DKC1: variants seen among roughly 807,000 people sequenced by gnomAD.
The protein encoded by DKC1 is H/ACA ribonucleoprotein complex subunit DKC1.
A neutral mutation model predicts 46.7 loss-of-function variants in DKC1; 4 were observed. The observed-to-expected ratio is 0.09, with a 90% CI of 0.04 to 0.20. The LOEUF is 0.20. Ranked by LOEUF, DKC1 falls within the 10% of genes least tolerant of loss-of-function variation. The pLI is 1.00. For missense variants in DKC1, 171 were observed against 404.2 expected, an observed-to-expected ratio of 0.42 and a Z score of 4.95; for synonymous variants, 141 against 142.4, an observed-to-expected ratio of 0.99 and a Z score of 0.07.
chrX:154,776,071 G>A (rs782793411), intron 13 of DKC1, 116 bp from the exon 14 acceptor site: 10 of 954,688 alleles, frequency 1.0e-5, no homozygotes, highest in Admixed American at 2.2e-5. Context: ...GTCAGAAAAC[G>A]TCCTGTTAGA....
chrX:154,767,528 T>C, intron 7 of DKC1, 146 bp downstream of exon 7: 1 of 729,283 alleles, frequency 1.4e-6, no homozygotes, highest in Admixed American at 2.6e-5. Flanking sequence ...TTTTGTTATC[T>C]TTTGTTGAAA....
rs1022661204 is a variant in DKC1 at position 154,773,842 on chromosome X, C to T, written c.1155+593C>T. On this transcript the variant is annotated intron_variant, in intron 11 of 14. Coordinates refer to ENST00000369550, the MANE Select transcript of DKC1 (RefSeq NM_001363.5). ...CACACCTCCCAGACGGGGTGGCGGC[C>T]GGGCAGAGGGGCTCCTCACTTCCCA... Among the ~76,000 whole-genome samples, 115 of 112,213 alleles carry T rather than the reference C, an allele frequency of 1.0e-3. 1 individual carries two copies. Among genetic ancestry groups the T allele is most frequent in the Admixed American group, 3.2e-3 (34 of 10,755 alleles).
chrX:154,776,077 T>TTAGA, intron 13 of DKC1, 110 bp from the exon 14 acceptor site: 4 of 996,599 alleles, frequency 4.0e-6, no homozygotes, highest in Non-Finnish European at 5.7e-6. Flanking sequence ...AAACGTCCTG[T>TTAGA]TAGATTCAGT....
At chrX:154,770,484 A>G (rs1031698458) in intron 9 of DKC1, among the ~76,000 whole-genome samples, 1 of 108,310 alleles carries the variant, frequency 9.2e-6, no homozygotes, top group Non-Finnish European at 1.9e-5. Context: ...AAAAAAAAAA[A>G]AAAAAGAAAA....
rs376783942 is a variant in DKC1, at chrX:154,765,895, G to A, written c.172-12G>A. The A allele has an allele frequency of 9.7e-5, 114 of 1,180,225 alleles. No individual in the cohort carries two copies. The African/African-American group carries it at 1.5e-3, about 16-fold the overall frequency. On this transcript the variant is annotated splice_polypyrimidine_tract_variant and intron_variant, in intron 3 of 14. Transcript: ENST00000369550. ...ATGGTATTTTGTTTTGTGTTGTGTC[G>A]TTGCTTTGTAGAATTTTGATAAGCT...
At chrX:154,774,943 C>T in intron 12 of DKC1, 2 of 573,173 alleles carry the variant, frequency 3.5e-6, no homozygotes, top group South Asian at 4.5e-5. Context: ...GGAACCAGCT[C>T]TTCAGCTCCC....
chrX:154,773,822 C>A (rs192663414), intron 11 of DKC1, among the ~76,000 whole-genome samples: 3 of 112,125 alleles, frequency 2.7e-5, no homozygotes, highest in Admixed American at 9.3e-5. Flanking sequence ...TTGGGCACAC[C>A]TCCCAGACGG....
At position 154,775,185 on chromosome X, in the gene DKC1, T is replaced by G. The variant is rs1557265531; in HGVS notation, c.1260-10T>G. 1 of 1,208,746 alleles carries G rather than the reference T, an allele frequency of 8.3e-7. No homozygotes were observed. Among genetic ancestry groups the G allele is most frequent in the Non-Finnish European group, 1.1e-6 (1 of 893,614 alleles). ...TCAGTGAATTTGACCTATTGCTACC[T>G]CTTTTTCAGTGAGTCTGCCAAAAAA... is the stretch of plus-strand genomic sequence containing the variant. On this transcript the variant is annotated splice_polypyrimidine_tract_variant and intron_variant, in intron 12 of 14. Transcript: ENST00000369550.
In DKC1 at chrX:154,769,163, T is replaced by C; in HGVS notation, c.772-4T>C. On this transcript the variant is annotated splice_polypyrimidine_tract_variant and splice_region_variant and intron_variant, in intron 8 of 14. Transcript: ENST00000369550. ...AATTATTTTCATACATGGCTGCTTT[T>C]CAGGACCACATGGTGACAATGCATG... The C allele has an allele frequency of 1.7e-6, 2 of 1,211,073 alleles. No individual in the cohort carries two copies. Among genetic ancestry groups the C allele is most frequent in the Non-Finnish European group, 2.2e-6 (2 of 895,160 alleles).
chrX:154,776,245 T>A lies in DKC1; in HGVS notation c.1397T>A (p.Ile466Asn). 8.3e-6 allele frequency: 10 copies of A among 1,211,330 alleles called. No homozygotes were observed. The highest frequency in any genetic ancestry group is 1.1e-5 in the Non-Finnish European group (10 of 895,272). Residue 466 changes from isoleucine (I) to asparagine (N), a missense_variant, in exon 14 of 15, where the codon ATC becomes AAC. By Grantham distance (149) the Ile-to-Asn change is moderately radical (BLOSUM62 -3). Around this residue, in one of 4 missense-constraint regions of DKC1, gnomAD observed 54 missense variants for 64.4 expected, o/e 0.84. Transcript: ENST00000369550. Reference protein sequence around the residue: ...DETPPAAPQLIKKEKKKSKKD... With the variant: ...DETPPAAPQLNKKEKKKSKKD... The stretch of plus-strand genomic sequence containing the variant: ...ACTCCTCCAGCAGCTCCTCAGTTGA[T>A]CAAGAAGGAAAAGAAGAAGAGTAAG...
intron 13 of DKC1, 22 bp downstream of exon 13, chrX:154,775,295 G>A (rs1242165418): frequency 5.1e-6 from 6 of 1,187,278 alleles, no homozygotes; most frequent in African/African-American, 1.8e-5. Context: ...GCTGTCCTCA[G>A]TTTGGAATGT....
At chrX:154,765,008 A>C (rs782017760) in intron 2 of DKC1, 42 bp downstream of exon 2, 1 of 1,050,244 alleles carries the variant, frequency 9.5e-7, no homozygotes, top group African/African-American at 1.8e-5. Context: ...CTAAAAAGAA[A>C]GTTTACTTAA....
intron 8 of DKC1, chrX:154,768,642 G>A (rs112159031): frequency 3.8e-6 from 2 of 533,168 alleles, no homozygotes; most frequent in East Asian, 3.5e-5. Flanking sequence ...CTATTCATTT[G>A]CCTCCCAGCC....
chrX:154,766,613 A>G (rs1274432420), intron 5 of DKC1: 1 of 446,840 alleles, frequency 2.2e-6, no homozygotes, highest in African/African-American at 2.5e-5. Context: ...GTATTCATCA[A>G]GCTGACTGGA....
chrX:154,766,797 A>G lies in DKC1; in HGVS notation c.449-200A>G, dbSNP rs1603429440. On this transcript the variant is annotated intron_variant, in intron 5 of 14. Transcript: ENST00000369550. The stretch of plus-strand genomic sequence containing the variant: ...TACTCCCAACTGTCCCTGTTAGTAC[A>G]TTGAATTCCCAGTGAGAAAGTGTCT... Among the ~76,000 whole-genome samples, 4 of 112,215 alleles carry G rather than the reference A, an allele frequency of 3.6e-5. No individual in the cohort carries two copies. The Admixed American group carries it at 3.8e-4, about 11-fold the overall frequency.
Position 154,768,358 on chromosome X carries a change from C to T in DKC1, c.697C>T (p.Leu233Phe). ...GTYIRTLCVH[L>F]GLLLGVGGQM... ...CTACATTCGGACATTATGTGTGCACCTTGGTTTGTTATTGGGAGTTGGTGG... is the reference window on the plus strand; with the variant it reads ...CTACATTCGGACATTATGTGTGCACTTTGGTTTGTTATTGGGAGTTGGTGG... The change falls in exon 8 of 15, where the codon CTT becomes TTT. Residue 233 changes from leucine to phenylalanine, a missense_variant. Leu to Phe is a conservative substitution (Grantham distance 22). Coordinates refer to ENST00000369550, the MANE Select transcript of DKC1 (RefSeq NM_001363.5). 8.3e-7 allele frequency: 1 copy of T among 1,211,026 alleles called. No individual in the cohort carries two copies. Among genetic ancestry groups the T allele is most frequent in the Non-Finnish European group, 1.1e-6 (1 of 895,277 alleles).
chrX:154,767,140 T>C, intron 6 of DKC1, 79 bp downstream of exon 6: 1 of 1,175,477 alleles, frequency 8.5e-7, no homozygotes, highest in Non-Finnish European at 1.2e-6. Flanking sequence ...ATGGGTTAGC[T>C]GTCCTGACTG....
intron 12 of DKC1, 95 bp downstream of exon 12, chrX:154,774,800 G>A (rs781935192): frequency 4.0e-5 from 31 of 776,454 alleles, no homozygotes; most frequent in Non-Finnish European, 5.9e-6. Flanking sequence ...GGATGGGAAG[G>A]TAGAGCCCAC....
In DKC1 at chrX:154,776,844, G is replaced by T. The variant is rs1166701493; in HGVS notation, c.1522G>T (p.Glu508Ter). ...KKKKKKKKAK[E>*]VELVSE ...GAAGAAGAAGAAGAAGAAAGCAAAA[G>T]AGGTAGAATTGGTTTCTGAGTAGTG... Residue 508 changes from glutamate (E) to a stop codon, truncating the protein, a stop_gained, in exon 15 of 15, where the codon GAG becomes TAG. Coordinates refer to ENST00000369550, the MANE Select transcript of DKC1 (RefSeq NM_001363.5). LOFTEE classifies it high-confidence loss of function. 4 of 1,205,342 alleles carry T rather than the reference G, an allele frequency of 3.3e-6. No individual in the cohort carries two copies. The African/African-American group carries it at 5.3e-5, about 16-fold the overall frequency.
Sources: allele counts gnomAD v4.1 joint callset (sites outside exome capture counted in the v4.1 genomes callset), GRCh38; gene constraint gnomAD v4.1.1; regional missense constraint gnomAD v4.1.1; transcripts MANE v1.5; gene names NCBI Gene and HGNC (gene_info 2026-07-23, HGNC 2026-07-21).